Variants in MYO5B observed in about 807,000 individuals in gnomAD.
MYO5B encodes the protein unconventional myosin-Vb.
MYO5B carries 143 observed loss-of-function variants against 229.3 expected under a neutral mutation model. That is an observed-to-expected ratio of 0.62 (90% CI 0.54 to 0.72). MYO5B has a LOEUF of 0.72. Among genes scored for constraint, MYO5B ranks in the 30% least tolerant of loss-of-function variants. The pLI is 0.00. For missense variants in MYO5B, 2,321 were observed against 2,331.0 expected (o/e 1.00, Z 0.09); for synonymous variants, 918 against 885.2 (o/e 1.04, Z -0.66).
At chr18:50,011,500 C>T (rs909676342) in intron 4 of MYO5B, among the ~76,000 whole-genome samples, 6 of 152,150 alleles carry the variant, frequency 3.9e-5, no homozygotes, top group Non-Finnish European at 5.9e-5. Context: ...GGTGCACAGG[C>T]GCTCCAAGGC....
chr18:50,052,736 T>C (rs9956503), intron 2 of MYO5B, among the ~76,000 whole-genome samples: 148,469 of 151,832 alleles, frequency 0.98, 72,687 homozygotes, highest in East Asian at 1. Context: ...GTAAATTTTA[T>C]GCTACATATA....
intron 5 of MYO5B, 149 bp downstream of exon 5, chr18:50,001,106 A>T: frequency 1.0e-6 from 1 of 987,290 alleles, no homozygotes; most frequent in Non-Finnish European, 1.6e-6. Flanking sequence ...CCATGGTTTT[A>T]GAGGCAGCTT....
chr18:50,025,514 T>C (rs1467008151), intron 4 of MYO5B, among the ~76,000 whole-genome samples: 1 of 152,230 alleles, frequency 6.6e-6, no homozygotes, highest in Non-Finnish European at 1.5e-5. Context: ...CTTTCTCTGC[T>C]GAAAACCCTG....
chr18:50,072,795 G>A (rs189128737), intron 1 of MYO5B, among the ~76,000 whole-genome samples: 3 of 152,236 alleles, frequency 2.0e-5, no homozygotes, highest in East Asian at 1.9e-4. Context: ...CCAGCTCACC[G>A]AGATGCCAAT....
chr18:50,039,101 C>G (rs1305570036), intron 3 of MYO5B, among the ~76,000 whole-genome samples: 1 of 152,148 alleles, frequency 6.6e-6, no homozygotes, highest in Non-Finnish European at 1.5e-5. Flanking sequence ...TGACAATGAG[C>G]AAGACCACAG....
rs186506278 is a variant in MYO5B at position 50,030,173 on chromosome 18, T to A, written c.455+6677A>T. On this transcript the variant is annotated intron_variant, in intron 4 of 39. Transcript: ENST00000285039. ...GATTGCAAAAGTCCTGAGTCCATTC[T>A]CATGCATCCCAGAGCATTCCATCCC... Among the ~76,000 whole-genome samples the A allele has an allele frequency of 1.2e-4, 19 of 152,336 alleles. No homozygotes were observed. The East Asian group carries it at 3.7e-3, about 29-fold the overall frequency.
chr18:49,902,319 C>T (rs1383861123), intron 21 of MYO5B, among the ~76,000 whole-genome samples: 1 of 152,174 alleles, frequency 6.6e-6, no homozygotes, highest in Non-Finnish European at 1.5e-5. Context: ...ACCTGGCTCA[C>T]CCAGGATACT....
At chr18:50,026,518 A>G (rs2026333120) in intron 4 of MYO5B, among the ~76,000 whole-genome samples, 1 of 152,226 alleles carries the variant, frequency 6.6e-6, no homozygotes, top group South Asian at 2.1e-4. Context: ...CCAAGCACAA[A>G]CCTATTAAAA....
intron 16 of MYO5B, among the ~76,000 whole-genome samples, chr18:49,933,049 T>G (rs992505531): frequency 1.3e-5 from 2 of 152,200 alleles, no homozygotes; most frequent in African/African-American, 4.8e-5. Context: ...GCCTGCTGGA[T>G]GCAAAGAGAG....
At chr18:50,102,746 C>G (rs1417801721) in intron 1 of MYO5B, among the ~76,000 whole-genome samples, 1 of 148,690 alleles carries the variant, frequency 6.7e-6, no homozygotes, top group African/African-American at 2.6e-5. Context: ...AAAAAAAAAT[C>G]CCCAGTGTTC....
chr18:49,864,427 C>A (rs1017685539), intron 27 of MYO5B, 47 bp from the exon 28 acceptor site: 1 of 1,605,724 alleles, frequency 6.2e-7, no homozygotes, highest in Admixed American at 1.7e-5. Context: ...TGCCCTAGGG[C>A]TCTCTCCCTG....
intron 4 of MYO5B, among the ~76,000 whole-genome samples, chr18:50,005,008 T>C (rs1008052089): frequency 6.6e-5 from 10 of 152,222 alleles, no homozygotes; most frequent in African/African-American, 2.4e-4. Flanking sequence ...CAGTTCAGTC[T>C]GTTAGAACTC....
At chr18:49,974,108 C>T (rs2025718865) in intron 10 of MYO5B, among the ~76,000 whole-genome samples, 2 of 152,312 alleles carry the variant, frequency 1.3e-5, no homozygotes, top group African/African-American at 2.4e-5. Context: ...TGGGAAACTC[C>T]TGGTGTTTTG....
chr18:49,931,624 G>T (rs2025193011), intron 16 of MYO5B, among the ~76,000 whole-genome samples: 2 of 152,138 alleles, frequency 1.3e-5, no homozygotes, highest in Admixed American at 6.5e-5. Context: ...GCCTCCTGTG[G>T]TTGCTCGGCC....
chr18:49,994,616 G>C (rs1480100769), intron 5 of MYO5B, among the ~76,000 whole-genome samples: 1 of 152,206 alleles, frequency 6.6e-6, no homozygotes, highest in East Asian at 1.9e-4. Flanking sequence ...AGCCCGGCCA[G>C]CCTGATGTAA....
At chr18:49,856,975 C>T in intron 29 of MYO5B, 85 bp from the exon 30 acceptor site, 1 of 1,230,782 alleles carries the variant, frequency 8.1e-7, no homozygotes, top group Non-Finnish European at 1.2e-6. Flanking sequence ...TGAGGAGATT[C>T]TAGCCAAGGT....
In MYO5B at chr18:50,041,721, A is replaced by G. The variant is rs770549498; in HGVS notation, c.139-1407T>C. Among the ~76,000 whole-genome samples, 29 of 152,308 alleles carry G rather than the reference A, an allele frequency of 1.9e-4. 1 individual carries two copies. The highest frequency in any genetic ancestry group is 8.5e-4 in the Admixed American group (13 of 15,296). The stretch of plus-strand genomic sequence containing the variant: ...AAGTATTTGTGTAAGTTTTGGAAGT[A>G]AGAACTTTTGAAGAATTATGCAAAA... On this transcript the variant is annotated intron_variant, in intron 2 of 39. Transcript: ENST00000285039.
At chr18:49,833,574 C>A (rs1156418512) in intron 39 of MYO5B, among the ~76,000 whole-genome samples, 1 of 152,194 alleles carries the variant, frequency 6.6e-6, no homozygotes, top group Non-Finnish European at 1.5e-5. Context: ...TGTCCTTGAT[C>A]CATTAAACCT....
intron 16 of MYO5B, among the ~76,000 whole-genome samples, chr18:49,931,739 G>A (rs1482939195): frequency 6.6e-6 from 1 of 152,208 alleles, no homozygotes; most frequent in Non-Finnish European, 1.5e-5. Context: ...CGAGTGATCA[G>A]AAGCCTTCGG....
Sources: allele counts gnomAD v4.1 joint callset (sites outside exome capture counted in the v4.1 genomes callset), GRCh38; gene constraint gnomAD v4.1.1; transcripts MANE v1.5; gene names NCBI Gene and HGNC (gene_info 2026-07-23, HGNC 2026-07-21).